Variants in ATP9A observed in about 807,000 individuals in gnomAD.
ATP9A encodes the protein ATPase phospholipid transporting 9A, also known as probable phospholipid-transporting ATPase IIA.
ATP9A carries 52 observed loss-of-function variants against 144.1 expected under a neutral mutation model. The ratio of observed to expected loss-of-function variants is 0.36; its 90% CI spans 0.29 to 0.45. ATP9A has a LOEUF of 0.45. Ranked by LOEUF, ATP9A falls within the 20% of genes least tolerant of loss-of-function variation. The pLI, the probability that ATP9A is intolerant of heterozygous loss-of-function variation, is 1.00. For synonymous variants in ATP9A, 582 were observed against 557.4 expected (o/e 1.04, Z -0.62); for missense variants, 947 against 1,392.7 (o/e 0.68, Z 5.09).
intron 1 of ATP9A, among the ~76,000 whole-genome samples, chr20:51,738,082 G>A (rs6096552): frequency 0.3 from 45,108 of 149,786 alleles, 7,330 homozygotes; most frequent in African/African-American, 0.41. Context: ...AGGCTGGAGT[G>A]CAGTGGTGTG....
intron 1 of ATP9A, among the ~76,000 whole-genome samples, chr20:51,739,536 A>T (rs2077776428): frequency 6.6e-6 from 1 of 151,250 alleles, no homozygotes; most frequent in African/African-American, 2.4e-5. Flanking sequence ...TGTTTTTTTT[A>T]GCAGAGACAG....
chr20:51,752,900 C>T (rs6126337), intron 1 of ATP9A, among the ~76,000 whole-genome samples: 76,101 of 151,950 alleles, frequency 0.5, 19,902 homozygotes, highest in East Asian at 0.72. Context: ...GCTGGGAGTT[C>T]GAGGCCAGCC....
At chr20:51,707,866 T>G (rs956124500) in intron 4 of ATP9A, among the ~76,000 whole-genome samples, 1 of 151,910 alleles carries the variant, frequency 6.6e-6, no homozygotes, top group South Asian at 2.1e-4. Flanking sequence ...TGTGTGTGTG[T>G]GTGTAGCGTG....
At chr20:51,623,181 C>T (rs191285023) in intron 18 of ATP9A, among the ~76,000 whole-genome samples, 5 of 152,296 alleles carry the variant, frequency 3.3e-5, no homozygotes, top group African/African-American at 9.6e-5. Context: ...CTCAATATCC[C>T]GCCTGTCCTA....
intron 1 of ATP9A, among the ~76,000 whole-genome samples, chr20:51,742,854 T>G (rs1435573855): frequency 6.6e-6 from 1 of 152,070 alleles, no homozygotes; most frequent in Non-Finnish European, 1.5e-5. Flanking sequence ...AAGTGTTTGG[T>G]GTTAAAAAGT....
At chr20:51,648,122 A>T (rs1254570437) in intron 14 of ATP9A, among the ~76,000 whole-genome samples, 1 of 152,194 alleles carries the variant, frequency 6.6e-6, no homozygotes, top group Non-Finnish European at 1.5e-5. Context: ...TCATGCACAC[A>T]TCTGAATGCT....
In ATP9A at chr20:51,599,307, T is replaced by C. The variant is rs2077132505; in HGVS notation, c.*1904A>G. 2 of 152,190 alleles carry C rather than the reference T, an allele frequency of 1.3e-5. No individual in the cohort carries two copies. The highest frequency in any genetic ancestry group is 2.9e-5 in the Non-Finnish European group (2 of 68,044). The allele number at this position is 152,190 out of a possible 1,614,324, so 9.4% of individuals were successfully genotyped here. ...GGGACTATCTTAAGACTTGCCAGTG[T>C]TACAGACTGATTTCCAAGAAAACGG... On this transcript the variant is annotated 3_prime_UTR_variant, in exon 28 of 28. Coordinates refer to ENST00000338821, the MANE Select transcript of ATP9A (RefSeq NM_006045.3).
At chr20:51,641,345 C>G (rs994000196) in intron 14 of ATP9A, among the ~76,000 whole-genome samples, 10 of 151,518 alleles carry the variant, frequency 6.6e-5, no homozygotes, top group African/African-American at 2.4e-4. Flanking sequence ...GACAACAGAG[C>G]GAGACTGTAT....
chr20:51,633,617 A>C (rs560014858), intron 15 of ATP9A, among the ~76,000 whole-genome samples: 2 of 152,144 alleles, frequency 1.3e-5, no homozygotes, highest in Non-Finnish European at 2.9e-5. Context: ...GTGGCAGTGC[A>C]TACCTGTAGT....
rs1034356827 is a variant in ATP9A at position 51,627,758 on chromosome 20, A to G, written c.1762-75T>C. 11 of 1,221,262 alleles carry G rather than the reference A, an allele frequency of 9.0e-6. No homozygotes were observed. In the East Asian group the frequency reaches 9.4e-5, roughly 10 times the overall value. 75.7% of individuals were successfully genotyped at this position (1,221,262 alleles called of 1,614,324 possible). ...CTCACTGGGGAAGGACCAGTGCCCA[A>G]GTGGATGTGCCCCTCCCACAGGGTC... is the stretch of plus-strand genomic sequence containing the variant. On this transcript the variant is annotated intron_variant, in intron 16 of 27. Transcript: ENST00000338821.
intron 18 of ATP9A, among the ~76,000 whole-genome samples, chr20:51,624,330 C>T (rs913798044): frequency 2.0e-5 from 3 of 152,142 alleles, no homozygotes; most frequent in Non-Finnish European, 4.4e-5. Context: ...GAGTGGAGGC[C>T]GGTGGCAGGC....
intron 9 of ATP9A, among the ~76,000 whole-genome samples, chr20:51,684,513 G>A (rs779857769): frequency 2.2e-4 from 33 of 150,618 alleles, no homozygotes; most frequent in Non-Finnish European, 4.4e-4. Flanking sequence ...TGGCTAACAC[G>A]GTGAAACTCC....
At chr20:51,651,765 CTAAA>C (rs1055104214) in intron 14 of ATP9A, among the ~76,000 whole-genome samples, 5 of 151,962 alleles carry the variant, frequency 3.3e-5, no homozygotes, top group African/African-American at 1.2e-4. Context: ...CCTGTCTCTA[CTAAA>C]AATATAAAAA....
At chr20:51,685,638 C>A (rs1052374215) in intron 9 of ATP9A, among the ~76,000 whole-genome samples, 2 of 152,070 alleles carry the variant, frequency 1.3e-5, no homozygotes, top group Non-Finnish European at 2.9e-5. Flanking sequence ...CTGGCCATCA[C>A]AGAAATGCAA....
At chr20:51,649,054 G>A (rs2077353463) in intron 14 of ATP9A, among the ~76,000 whole-genome samples, 1 of 152,026 alleles carries the variant, frequency 6.6e-6, no homozygotes, top group African/African-American at 2.4e-5. Flanking sequence ...TTCCCCAGAT[G>A]AGAAAAGAGG....
rs151058167 is a variant in ATP9A, at chr20:51,724,788, C to T, written c.327+1031G>A. ...CGAGGGAAGGAACAGAGGGGCTACT[C>T]GGTTCTGCTACACATCGCATGCACA... is the stretch of plus-strand genomic sequence containing the variant. On this transcript the variant is annotated intron_variant, in intron 3 of 27. Transcript: ENST00000338821. Among the ~76,000 whole-genome samples the T allele has an allele frequency of 1.4e-4, 22 of 152,322 alleles. 1 individual carries two copies. Among genetic ancestry groups the T allele is most frequent in the African/African-American group, 5.3e-4 (22 of 41,574 alleles).
At chr20:51,717,505 C>T (rs1045693880) in intron 3 of ATP9A, among the ~76,000 whole-genome samples, 5 of 152,080 alleles carry the variant, frequency 3.3e-5, no homozygotes, top group African/African-American at 7.2e-5. Flanking sequence ...GGGTCTACAA[C>T]GTGGAGACCA....
At chr20:51,648,103 C>T (rs1031352538) in intron 14 of ATP9A, among the ~76,000 whole-genome samples, 11 of 152,202 alleles carry the variant, frequency 7.2e-5, no homozygotes, top group African/African-American at 4.8e-5. Flanking sequence ...CTTCACACTC[C>T]GAGCTCATTC....
At chr20:51,759,317 A>G (rs1341170758) in intron 1 of ATP9A, among the ~76,000 whole-genome samples, 10 of 152,212 alleles carry the variant, frequency 6.6e-5, no homozygotes, top group Admixed American at 5.2e-4. Flanking sequence ...CTCCCTCAAA[A>G]CATACCCCTA....
Sources: allele counts gnomAD v4.1 joint callset (sites outside exome capture counted in the v4.1 genomes callset), GRCh38; gene constraint gnomAD v4.1.1; transcripts MANE v1.5; gene names NCBI Gene and HGNC (gene_info 2026-07-23, HGNC 2026-07-21).